Variants in ACER2 observed in about 807,000 individuals in gnomAD.
ACER2 encodes alkaline ceramidase 2, also known as alkCDase 2.
Under a neutral mutation model 34.7 loss-of-function variants are expected in ACER2, and 26 were observed. The observed-to-expected ratio is 0.75, with a 90% CI of 0.55 to 1.04. The LOEUF (loss-of-function observed/expected upper bound fraction) is 1.04. Ranked by LOEUF, ACER2 falls within the 50% of genes least tolerant of loss-of-function variation. ACER2 has a pLI of 0.00. For missense variants in ACER2, 352 were observed against 340.8 expected, an observed-to-expected ratio of 1.03 and a Z score of -0.26; for synonymous variants, 138 against 132.1, an observed-to-expected ratio of 1.04 and a Z score of -0.31.
At position 19,426,228 on chromosome 9, in the gene ACER2, T is replaced by TA. The variant is rs369990989; in HGVS notation, c.365+1400dup. Among the ~76,000 whole-genome samples the TA allele has an allele frequency of 1.0e-3, 151 of 144,638 alleles. 1 individual carries two copies. Among genetic ancestry groups the TA allele is most frequent in the East Asian group, 6.8e-3 (34 of 5,002 alleles). The allele number at this position is 144,638 out of a possible 152,430, so 94.9% of individuals were successfully genotyped here. A position where few individuals can be genotyped will look rare whatever the true frequency, so the allele number is the denominator to read the frequency against. On this transcript the variant is annotated intron_variant, in intron 3 of 5. Transcript: ENST00000340967. Reference sequence around the variant, plus strand: ...CATCTGAACTGGTTGACTTTTTTTTTAAAAAAAAAAAAACAAAATTAACAC... The same window carrying TA: ...CATCTGAACTGGTTGACTTTTTTTTTAAAAAAAAAAAAAACAAAATTAACAC...
intron 1 of ACER2, 85 bp downstream of exon 1, chr9:19,409,277 G>A: frequency 7.5e-7 from 1 of 1,328,720 alleles, no homozygotes; most frequent in Non-Finnish European, 1.1e-6. Flanking sequence ...CTGGACGTGG[G>A]TCTCTGCGCG....
chr9:19,433,558 C>G lies in ACER2; in HGVS notation c.366-1389C>G, dbSNP rs551936339. Among the ~76,000 whole-genome samples, 495 of 152,364 alleles carry G rather than the reference C, an allele frequency of 3.2e-3. 1 individual carries two copies. The highest frequency in any genetic ancestry group is 5.2e-3 in the Non-Finnish European group (355 of 68,026). ...AAAAGTCTCCCATGTCTACCTCTTT[C>G]TACACAGACACGGCAACCATCCGAT... On this transcript the variant is annotated intron_variant, in intron 3 of 5. Coordinates refer to ENST00000340967, the MANE Select transcript of ACER2 (RefSeq NM_001010887.3).
chr9:19,419,154 G>C (rs1036589872), intron 1 of ACER2, among the ~76,000 whole-genome samples: 3 of 152,212 alleles, frequency 2.0e-5, no homozygotes, highest in African/African-American at 7.2e-5. Flanking sequence ...TCGCACCATT[G>C]TACTTCAGCC....
rs537146449 is a variant in ACER2 at position 19,412,015 on chromosome 9, G to C, written c.108+2823G>C. ...CATAGCACAGCTGAAGTCAGAACTT[G>C]GTCCATTTGACTCTACCAAGAGAGT... On this transcript the variant is annotated intron_variant, in intron 1 of 5. Coordinates refer to ENST00000340967, the MANE Select transcript of ACER2 (RefSeq NM_001010887.3). Among the ~76,000 whole-genome samples, 47 of 152,276 alleles carry C rather than the reference G, an allele frequency of 3.1e-4. No individual in the cohort carries two copies. In the South Asian group the frequency reaches 9.5e-3, roughly 31 times the overall value.
At chr9:19,415,320 G>A (rs772414798) in intron 1 of ACER2, among the ~76,000 whole-genome samples, 5 of 151,788 alleles carry the variant, frequency 3.3e-5, no homozygotes, top group Admixed American at 2.0e-4. Flanking sequence ...GTGAAACCTC[G>A]TCTCTACTGA....
intron 3 of ACER2, among the ~76,000 whole-genome samples, chr9:19,433,914 ACCT>A (rs533474541): frequency 0.014 from 1,890 of 131,544 alleles, 35 homozygotes; most frequent in African/African-American, 0.053. Context: ...TAGGGGGCTG[ACCT>A]CCTCCAGGAC....
At chr9:19,410,406 T>A (rs1830052715) in intron 1 of ACER2, among the ~76,000 whole-genome samples, 1 of 152,160 alleles carries the variant, frequency 6.6e-6, no homozygotes, top group African/African-American at 2.4e-5. Context: ...TATGATTAGG[T>A]TGGTTCCTTA....
chr9:19,424,734 T>C lies in ACER2; in HGVS notation c.258T>C (p.Ser86=), dbSNP rs1033746772. 11 of 1,613,980 alleles carry C rather than the reference T, an allele frequency of 6.8e-6. No homozygotes were observed. In the Admixed American group the frequency reaches 1.0e-4, roughly 15 times the overall value. The change falls in exon 3 of 6, where the codon AGT becomes AGC. Residue 86 remains serine, a synonymous_variant. Coordinates refer to ENST00000340967, the MANE Select transcript of ACER2 (RefSeq NM_001010887.3). ...CCGTCTACTTCCATGCAACCCTTAG[T>C]TTCTTGGGTCAGATGCTTGATGAAC... is the stretch of plus-strand genomic sequence containing the variant. The part of the protein sequence containing the change: ...IGSVYFHATL[S]FLGQMLDELA...
intron 2 of ACER2, 118 bp from the exon 3 acceptor site, chr9:19,424,582 G>T (rs1433244158): frequency 6.7e-7 from 1 of 1,501,870 alleles, no homozygotes; most frequent in Non-Finnish European, 8.8e-7. Flanking sequence ...TCTTTTTTCA[G>T]AGAGAGAGTG....
chr9:19,436,193 A>G (rs1830967472), intron 4 of ACER2, among the ~76,000 whole-genome samples: 1 of 151,802 alleles, frequency 6.6e-6, no homozygotes, highest in South Asian at 2.1e-4. Context: ...TTGGGATTGC[A>G]GGTGTGAGCC....
intron 1 of ACER2, chr9:19,409,707 A>ATAAT: frequency 1.0e-6 from 1 of 980,884 alleles, no homozygotes; most frequent in Non-Finnish European, 1.2e-6. Flanking sequence ...GAACATGCCT[A>ATAAT]TAATGGTCGA....
chr9:19,449,541 T>C (rs528499332), intron 5 of ACER2, among the ~76,000 whole-genome samples: 1 of 152,332 alleles, frequency 6.6e-6, no homozygotes, highest in South Asian at 2.1e-4. Context: ...CTGGATTTTG[T>C]GTAATTTTTA....
At chr9:19,416,016 C>G (rs1463976447) in intron 1 of ACER2, among the ~76,000 whole-genome samples, 1 of 150,376 alleles carries the variant, frequency 6.6e-6, no homozygotes, top group Non-Finnish European at 1.5e-5. Flanking sequence ...AAAATGAGGA[C>G]AGTGGTTATC....
Position 19,435,050 on chromosome 9 carries a change from C to G in ACER2, c.469C>G (p.Pro157Ala). The change falls in exon 4 of 6, where the codon CCT becomes GCT. Residue 157 changes from proline to alanine, a missense_variant. Coordinates refer to ENST00000340967, the MANE Select transcript of ACER2 (RefSeq NM_001010887.3). ...CATCTCTCTGATGACCCTGGGAGTT[C>G]CTTGCACTGCACTGCTCATCGCAGA... ...NNISLMTLGVPCTALLIAELK... is the reference protein window; with the variant it reads ...NNISLMTLGVACTALLIAELK... 1.2e-6 allele frequency: 2 copies of G among 1,614,154 alleles called. No homozygotes were observed. The highest frequency in any genetic ancestry group is 1.7e-6 in the Non-Finnish European group (2 of 1,180,036).
At chr9:19,415,510 A>G (rs1830215848) in intron 1 of ACER2, among the ~76,000 whole-genome samples, 1 of 151,958 alleles carries the variant, frequency 6.6e-6, no homozygotes, top group African/African-American at 2.4e-5. Context: ...ATAAATAAAT[A>G]AATAAATAAA....
intron 3 of ACER2, among the ~76,000 whole-genome samples, chr9:19,430,020 A>G (rs976486117): frequency 6.6e-6 from 1 of 152,008 alleles, no homozygotes; most frequent in African/African-American, 2.4e-5. Flanking sequence ...TTACGATGGG[A>G]GGTTTTATCA....
chr9:19,443,904 A>C (rs1193215410), intron 4 of ACER2, among the ~76,000 whole-genome samples: 1 of 151,536 alleles, frequency 6.6e-6, no homozygotes, highest in Non-Finnish European at 1.5e-5. Context: ...TGATCCTCCC[A>C]CCTTGGCCTC....
At chr9:19,442,477 A>G (rs1005901144) in intron 4 of ACER2, among the ~76,000 whole-genome samples, 1 of 152,234 alleles carries the variant, frequency 6.6e-6, no homozygotes, top group Admixed American at 6.5e-5. Context: ...AAGCAGAGAA[A>G]GGTAACAGGC....
intron 3 of ACER2, among the ~76,000 whole-genome samples, chr9:19,434,120 C>T (rs1830864030): frequency 6.9e-6 from 1 of 144,032 alleles, no homozygotes; most frequent in Admixed American, 6.8e-5. Context: ...AGAGGCGCTC[C>T]TCACATCCCA....
Sources: gnomAD v4.1 joint callset for allele counts (sites outside exome capture counted in the v4.1 genomes callset) on GRCh38, gnomAD v4.1.1 for gene constraint, MANE v1.5 for transcripts, NCBI Gene and HGNC (gene_info 2026-07-23, HGNC 2026-07-21) for gene names.